SGCZ: variants seen among roughly 807,000 people sequenced by gnomAD.
SGCZ encodes the protein zeta-sarcoglycan.
Under a neutral mutation model 41.3 loss-of-function variants are expected in SGCZ, and 40 were observed. That is an observed-to-expected ratio of 0.97 (90% CI 0.75 to 1.26). The LOEUF (loss-of-function observed/expected upper bound fraction) is 1.26, where lower values mean the gene tolerates loss of function less well. Among genes scored for constraint, SGCZ ranks in the 50% most tolerant of loss-of-function variants. The pLI, the probability that SGCZ is intolerant of heterozygous loss-of-function variation, is 0.00. For missense variants in SGCZ, 552 were observed against 369.8 expected (o/e 1.49, Z -4.04); for synonymous variants, 206 against 137.5 (o/e 1.50, Z -3.49).
At chr8:14,613,159 G>A (rs546671801) in intron 1 of SGCZ, among the ~76,000 whole-genome samples, 152 of 152,262 alleles carry the variant, frequency 1.0e-3, no homozygotes, top group Middle Eastern at 3.4e-3. Context: ...CTGAGTGGGG[G>A]CCCTCCATAG....
chr8:14,548,973 T>G (rs1221579753), intron 2 of SGCZ, among the ~76,000 whole-genome samples: 1 of 152,114 alleles, frequency 6.6e-6, no homozygotes, highest in Non-Finnish European at 1.5e-5. Flanking sequence ...TTTCTCTTCC[T>G]GTTAAAGGCC....
chr8:14,153,587 A>G (rs1273533918), intron 5 of SGCZ, among the ~76,000 whole-genome samples: 1 of 152,054 alleles, frequency 6.6e-6, no homozygotes, highest in Admixed American at 6.6e-5. Flanking sequence ...ATTTAATACC[A>G]CAAAAGGCCT....
chr8:15,044,105 CA>C (rs1224304834), intron 1 of SGCZ, among the ~76,000 whole-genome samples: 1 of 152,050 alleles, frequency 6.6e-6, no homozygotes, highest in African/African-American at 2.4e-5. Flanking sequence ...GATTTATTTA[CA>C]AATAAAGCTT....
intron 3 of SGCZ, among the ~76,000 whole-genome samples, chr8:14,263,385 C>A (rs1799744398): frequency 6.6e-6 from 1 of 151,970 alleles, no homozygotes; most frequent in Admixed American, 6.6e-5. Context: ...CCCATCTCTA[C>A]CAAAAATACA....
intron 1 of SGCZ, among the ~76,000 whole-genome samples, chr8:15,014,795 C>T (rs1802962777): frequency 6.6e-6 from 1 of 152,178 alleles, no homozygotes; most frequent in African/African-American, 2.4e-5. Flanking sequence ...TTGTGACAGC[C>T]TCACAATTCT....
intron 1 of SGCZ, among the ~76,000 whole-genome samples, chr8:14,696,626 C>A (rs1443619032): frequency 6.6e-6 from 1 of 152,008 alleles, no homozygotes; most frequent in Non-Finnish European, 1.5e-5. Context: ...TTATGACCTT[C>A]CATTTATTCA....
chr8:14,905,844 T>C lies in SGCZ; in HGVS notation c.39+331741A>G, dbSNP rs528652380. On this transcript the variant is annotated intron_variant, in intron 1 of 7. Coordinates refer to ENST00000382080, the MANE Select transcript of SGCZ (RefSeq NM_139167.4). ...AAAACTCAAAACCATTCGTACAAAC[T>C]GAACACATACGGAAAACAATATATA... 2.6e-5 allele frequency among the ~76,000 whole-genome samples: 4 copies of C among 151,776 alleles called. No individual in the cohort carries two copies. In the East Asian group the frequency reaches 5.8e-4, roughly 22 times the overall value.
At chr8:15,134,242 A>T (rs1808023218) in intron 1 of SGCZ, among the ~76,000 whole-genome samples, 1 of 152,062 alleles carries the variant, frequency 6.6e-6, no homozygotes, top group Non-Finnish European at 1.5e-5. Context: ...TTTCATAGGT[A>T]GTATCATCTC....
At chr8:14,994,198 G>C (rs565267239) in intron 1 of SGCZ, among the ~76,000 whole-genome samples, 17 of 152,082 alleles carry the variant, frequency 1.1e-4, no homozygotes, top group Non-Finnish European at 1.2e-4. Context: ...CCCACATTTG[G>C]TCTCATCATG....
chr8:14,471,323 C>T (rs182303624), intron 2 of SGCZ, among the ~76,000 whole-genome samples: 20 of 152,178 alleles, frequency 1.3e-4, no homozygotes, highest in African/African-American at 4.1e-4. Context: ...CATTAATTAG[C>T]GTATGCTTAT....
At chr8:14,102,100 ATAT>A (rs1391670024) in intron 7 of SGCZ, among the ~76,000 whole-genome samples, 9 of 74,684 alleles carry the variant, frequency 1.2e-4, no homozygotes, top group African/African-American at 4.0e-4. Flanking sequence ...ATATATATAT[ATAT>A]AATTTTTTTT....
At chr8:14,831,607 T>TGC (rs1802529474) in intron 1 of SGCZ, among the ~76,000 whole-genome samples, 1 of 149,322 alleles carries the variant, frequency 6.7e-6, no homozygotes, top group South Asian at 2.1e-4. Context: ...TTTGTGTGTG[T>TGC]GTGTGTGTGT....
intron 3 of SGCZ, among the ~76,000 whole-genome samples, chr8:14,243,415 G>A (rs1798961768): frequency 2.0e-5 from 3 of 151,978 alleles, no homozygotes; most frequent in South Asian, 2.1e-4. Context: ...AACTCACATC[G>A]CAATAACCAC....
intron 2 of SGCZ, among the ~76,000 whole-genome samples, chr8:14,494,096 T>G (rs986456840): frequency 1.3e-5 from 2 of 152,186 alleles, no homozygotes; most frequent in Non-Finnish European, 1.5e-5. Flanking sequence ...GGAGGAAGCA[T>G]GGACAGAGTT....
intron 1 of SGCZ, among the ~76,000 whole-genome samples, chr8:15,129,539 G>C (rs984986033): frequency 2.6e-5 from 4 of 151,944 alleles, no homozygotes; most frequent in Admixed American, 1.3e-4. Flanking sequence ...TAAGAAATTT[G>C]TCAGAAACTC....
intron 4 of SGCZ, among the ~76,000 whole-genome samples, chr8:14,221,861 T>A (rs1210979127): frequency 6.6e-6 from 1 of 151,646 alleles, no homozygotes; most frequent in Non-Finnish European, 1.5e-5. Context: ...CTCGGGAGAC[T>A]GAGGCAGGAA....
chr8:14,284,474 G>C (rs146837660), intron 3 of SGCZ, among the ~76,000 whole-genome samples: 4 of 152,278 alleles, frequency 2.6e-5, no homozygotes, highest in Non-Finnish European at 4.4e-5. Flanking sequence ...CATATATCTA[G>C]TTTATCTTTT....
intron 1 of SGCZ, among the ~76,000 whole-genome samples, chr8:15,204,420 T>C (rs1297828189): frequency 6.6e-6 from 1 of 152,202 alleles, no homozygotes; most frequent in East Asian, 1.9e-4. Flanking sequence ...ACATTATCTG[T>C]AATTGCATTA....
At chr8:14,370,239 G>T (rs1803862820) in intron 2 of SGCZ, among the ~76,000 whole-genome samples, 1 of 151,918 alleles carries the variant, frequency 6.6e-6, no homozygotes, top group Admixed American at 6.6e-5. Context: ...AAGAATAATA[G>T]AGTACAGTAC....
Sources: allele counts gnomAD v4.1 joint callset (sites outside exome capture counted in the v4.1 genomes callset), GRCh38; gene constraint gnomAD v4.1.1; transcripts MANE v1.5; gene names NCBI Gene and HGNC (gene_info 2026-07-23, HGNC 2026-07-21).